The following CACNA1E variants were observed in gnomAD, a reference collection of about 807,000 sequenced individuals.
The protein encoded by CACNA1E is calcium voltage-gated channel subunit alpha1 E.
A neutral mutation model predicts 259.2 loss-of-function variants in CACNA1E; 40 were observed. That is an observed-to-expected ratio of 0.15 (90% CI 0.12 to 0.20). CACNA1E has a LOEUF of 0.20. Ranked by LOEUF, CACNA1E falls within the 10% of genes least tolerant of loss-of-function variation. The pLI is 1.00. For missense variants in CACNA1E, 1,874 were observed against 3,040.1 expected (o/e 0.62, Z 9.02); for synonymous variants, 1,104 against 1,138.5 (o/e 0.97, Z 0.61).
intron 7 of CACNA1E, among the ~76,000 whole-genome samples, chr1:181,652,907 C>T (rs1658885921): frequency 6.6e-6 from 1 of 152,094 alleles, no homozygotes; most frequent in Non-Finnish European, 1.5e-5. Flanking sequence ...TGAAAGTCTA[C>T]AAACTGAATG....
Position 181,484,026 on chromosome 1 carries a change from C to A in CACNA1E, c.266+16C>A. The stretch of plus-strand genomic sequence containing the variant: ...TCGATTGGCCATATCCTTTCTTGCC[C>A]ACCATAACTCCCTCTCCCCCTTTGC... On this transcript the variant is annotated intron_variant, in intron 1 of 47. Transcript: ENST00000367573. 6.2e-7 allele frequency: 1 copy of A among 1,608,646 alleles called. No individual in the cohort carries two copies. The highest frequency in any genetic ancestry group is 8.5e-7 in the Non-Finnish European group (1 of 1,175,858).
chr1:181,741,817 C>G (rs1283174230), intron 25 of CACNA1E, among the ~76,000 whole-genome samples: 3 of 152,196 alleles, frequency 2.0e-5, no homozygotes, highest in African/African-American at 4.8e-5. Context: ...GGAGCTGAAG[C>G]CTCTCTGTTG....
At chr1:181,359,423 C>T (rs192251793) in intron 1 of CACNA1E, among the ~76,000 whole-genome samples, 6 of 152,252 alleles carry the variant, frequency 3.9e-5, no homozygotes, top group Admixed American at 1.3e-4. Context: ...AAAAAAACAG[C>T]GTGGGCAAAA....
intron 3 of CACNA1E, among the ~76,000 whole-genome samples, chr1:181,525,252 G>A (rs1232245774): frequency 4.6e-5 from 7 of 152,178 alleles, no homozygotes; most frequent in African/African-American, 1.4e-4. Flanking sequence ...CTAGCGGTGA[G>A]CAGTAGGAGG....
chr1:181,758,204 C>A lies in CACNA1E; in HGVS notation c.4494+93C>A. 1 of 1,083,000 alleles carries A rather than the reference C, an allele frequency of 9.2e-7. No homozygotes were observed. Among genetic ancestry groups the A allele is most frequent in the Non-Finnish European group, 1.4e-6 (1 of 734,280 alleles). 67.1% of individuals were successfully genotyped at this position (1,083,000 alleles called of 1,614,324 possible). A position where few individuals can be genotyped will look rare whatever the true frequency, so the allele number is the denominator to read the frequency against. On this transcript the variant is annotated intron_variant, in intron 31 of 47. Coordinates refer to ENST00000367573, the MANE Select transcript of CACNA1E (RefSeq NM_001205293.3). This position sits in a 1 kb window ranked among gnomAD's most constrained non-coding sequence, Gnocchi z 4.2. ...GACACCCCAACATCCCAGCCCATCA[C>A]TGCTTTACCTACTTTTCCATCATTG...
intron 3 of CACNA1E, among the ~76,000 whole-genome samples, chr1:181,559,653 AG>A (rs1302181502): frequency 8.5e-5 from 13 of 152,354 alleles, no homozygotes; most frequent in Admixed American, 3.3e-4. Context: ...TTGAATTTGG[AG>A]ACCTGCGGGC....
intron 2 of CACNA1E, among the ~76,000 whole-genome samples, chr1:181,442,843 A>G (rs1217506628): frequency 6.6e-6 from 1 of 152,128 alleles, no homozygotes; most frequent in Non-Finnish European, 1.5e-5. Flanking sequence ...TGGGAGAGAA[A>G]GGATCTTAGT....
chr1:181,757,196 G>T, intron 30 of CACNA1E, 70 bp downstream of exon 30: 1 of 1,060,578 alleles, frequency 9.4e-7, no homozygotes, highest in South Asian at 1.3e-5. Context: ...AGCAATGTAA[G>T]AAAGGAGGAC....
chr1:181,360,191 T>A (rs556943728), intron 1 of CACNA1E, among the ~76,000 whole-genome samples: 1 of 152,028 alleles, frequency 6.6e-6, no homozygotes, highest in Admixed American at 6.5e-5. Flanking sequence ...AAACATAGGG[T>A]TTACCCAAAA....
At chr1:181,570,369 G>T (rs1445301527) in intron 3 of CACNA1E, among the ~76,000 whole-genome samples, 2 of 152,146 alleles carry the variant, frequency 1.3e-5, no homozygotes, top group African/African-American at 4.8e-5. Context: ...CAGCAAGACA[G>T]TTGATGTTTA....
At chr1:181,603,567 G>A (rs12747077) in intron 6 of CACNA1E, among the ~76,000 whole-genome samples, 16 of 107,082 alleles carry the variant, frequency 1.5e-4, no homozygotes, top group African/African-American at 5.6e-4. Flanking sequence ...CCCCGCCCCC[G>A]CCAACACCCC....
chr1:181,545,731 T>G (rs2152854), intron 3 of CACNA1E, among the ~76,000 whole-genome samples: 146,342 of 152,232 alleles, frequency 0.96, 70,597 homozygotes, highest in East Asian at 1. Flanking sequence ...TTCCACATTT[T>G]GATCACAATA....
intron 6 of CACNA1E, among the ~76,000 whole-genome samples, chr1:181,617,219 C>T (rs1655299454): frequency 1.3e-5 from 2 of 149,500 alleles, no homozygotes; most frequent in South Asian, 4.2e-4. Flanking sequence ...GTTTAATATG[C>T]TGTTCTGTTT....
chr1:181,449,224 G>T (rs902907027), intron 2 of CACNA1E, among the ~76,000 whole-genome samples: 16 of 152,210 alleles, frequency 1.1e-4, no homozygotes, highest in African/African-American at 3.9e-4. Flanking sequence ...CCAAGCCAGA[G>T]ATACTTCATT....
Position 181,794,977 on chromosome 1 carries a change from C to T in CACNA1E, c.6141C>T (p.Tyr2047=), listed in dbSNP as rs1273546063. 1 of 1,613,878 alleles carries T rather than the reference C, an allele frequency of 6.2e-7. No individual in the cohort carries two copies. The highest frequency in any genetic ancestry group is 1.3e-5 in the African/African-American group (1 of 74,934). The change falls in exon 46 of 48, where the codon TAC becomes TAT. Residue 2047 remains tyrosine (Y), a synonymous_variant. Coordinates refer to ENST00000367573, the MANE Select transcript of CACNA1E (RefSeq NM_001205293.3). The part of the protein sequence containing the change: ...FSMERSSENT[Y]KSRRRSYHSS... ...TGGAGCGAAGCAGTGAAAATACCTACAAGTCCCGTCGCCGGAGTTACCACT... is the reference window on the plus strand; with the variant it reads ...TGGAGCGAAGCAGTGAAAATACCTATAAGTCCCGTCGCCGGAGTTACCACT...
rs796166444 is a variant in CACNA1E at position 181,717,341 on chromosome 1, C to T, written c.1525+39C>T. ...CTCTCTAAAGCCTCCTCTGCTGGTC[C>T]CCATGTGGGGCAGCTTGATGTGTGT... is the stretch of plus-strand genomic sequence containing the variant. On this transcript the variant is annotated intron_variant, in intron 11 of 47. Transcript: ENST00000367573. 18 of 1,542,280 alleles carry T rather than the reference C, an allele frequency of 1.2e-5. No homozygotes were observed. The African/African-American group carries it at 1.5e-4, about 13-fold the overall frequency.
chr1:181,608,400 A>T (rs1213837939), intron 6 of CACNA1E, among the ~76,000 whole-genome samples: 1 of 152,176 alleles, frequency 6.6e-6, no homozygotes, highest in African/African-American at 2.4e-5. Flanking sequence ...GGCAGGAATG[A>T]CCAAACCATG....
At chr1:181,426,001 A>G (rs1013474415) in intron 2 of CACNA1E, among the ~76,000 whole-genome samples, 1 of 152,056 alleles carries the variant, frequency 6.6e-6, no homozygotes, top group African/African-American at 2.4e-5. Flanking sequence ...GGAACCTGCA[A>G]CCCTTCCCAA....
chr1:181,751,030 G>A (rs1204968231), intron 26 of CACNA1E, among the ~76,000 whole-genome samples: 4 of 152,140 alleles, frequency 2.6e-5, no homozygotes, highest in Non-Finnish European at 4.4e-5. Context: ...GAAAGCAGCC[G>A]GAAGCCTTGC....
Sources: allele counts gnomAD v4.1 joint callset (sites outside exome capture counted in the v4.1 genomes callset), GRCh38; gene constraint gnomAD v4.1.1; non-coding constraint Gnocchi (gnomAD v3.1); transcripts MANE v1.5; gene names NCBI Gene and HGNC (gene_info 2026-07-23, HGNC 2026-07-21).